Variants in RPAP1 observed in about 807,000 individuals in gnomAD.
RPAP1 encodes RNA polymerase II-associated protein 1.
Under a neutral mutation model 142.4 loss-of-function variants are expected in RPAP1, and 109 were observed. The ratio of observed to expected loss-of-function variants is 0.77; its 90% CI spans 0.66 to 0.90. The LOEUF (loss-of-function observed/expected upper bound fraction) is 0.90, where lower values mean the gene tolerates loss of function less well. RPAP1 is among the 40% of genes least tolerant of loss of function. The pLI is 0.00. For synonymous variants in RPAP1, 704 were observed against 738.9 expected (o/e 0.95, Z 0.77); for missense variants, 1,546 against 1,751.7 (o/e 0.88, Z 2.10).
chr15:41,525,050 G>A lies in RPAP1; in HGVS notation c.2016C>T (p.Thr672=), dbSNP rs1392020860. 9.3e-6 allele frequency: 15 copies of A among 1,613,956 alleles called. No homozygotes were observed. The highest frequency in any genetic ancestry group is 2.2e-5 in the South Asian group (2 of 91,088). The change falls in exon 15 of 25, where the codon ACC becomes ACT. Residue 672 remains threonine (T), a synonymous_variant. Transcript: ENST00000304330. ...LPPEEAEMLS[T]EALRLWAVAA... is the part of the protein sequence containing the mutation. ...CCACAGCCCACAGACGGAGGGCCTC[G>A]GTGCTCAGCATCTCAGCTTCCTCTG...
At chr15:41,531,519 AGTTAAT>A (rs148918780) in intron 6 of RPAP1, among the ~76,000 whole-genome samples, 4,179 of 150,764 alleles carry the variant, frequency 0.028, 105 homozygotes, top group South Asian at 0.06. Context: ...AGAATGAATA[AGTTAAT>A]GTTGACTAGG....
rs777665384 is a variant in RPAP1, at chr15:41,518,104, C to T, written c.3874G>A (p.Val1292Ile). The change falls in exon 23 of 25, where the codon GTT (valine) becomes ATT (isoleucine). Residue 1292 changes from valine to isoleucine, a missense_variant. Transcript: ENST00000304330. ...ALLQLYFRTL[V>I]TGALRPRWCP... ...CAACGTGGGCGGAGCGCACCAGTAA[C>T]CAGGGTCCGGAAGTAGAGCTGAAGG... 6.2e-7 allele frequency: 1 copy of T among 1,608,278 alleles called. No individual in the cohort carries two copies. Among genetic ancestry groups the T allele is most frequent in the African/African-American group, 1.3e-5 (1 of 74,456 alleles).
intron 6 of RPAP1, among the ~76,000 whole-genome samples, chr15:41,531,931 C>T (rs1425396008): frequency 6.6e-6 from 1 of 151,940 alleles, no homozygotes; most frequent in Non-Finnish European, 1.5e-5. Context: ...TCGTAGCTCA[C>T]CACAGCCTCA....
chr15:41,520,172 G>A, intron 22 of RPAP1: 1 of 577,176 alleles, frequency 1.7e-6, no homozygotes, highest in Admixed American at 3.1e-5. Context: ...GACCTTAAGT[G>A]ATCCACCCAC....
chr15:41,530,041 C>G (rs1447456012), intron 7 of RPAP1, 62 bp from the exon 8 acceptor site: 1 of 1,214,526 alleles, frequency 8.2e-7, no homozygotes, highest in Admixed American at 1.9e-5. Context: ...ACAGGGGTCC[C>G]CACCATCACC....
chr15:41,537,109 T>A lies in RPAP1; in HGVS notation c.17A>T (p.Lys6Met). Residue 6 changes from lysine to methionine, a missense_variant, in exon 2 of 25, where the codon AAG (lysine) becomes ATG (methionine). Around this residue, in one of 3 missense-constraint regions of RPAP1, gnomAD observed 1,333 missense variants for 1,486.6 expected, o/e 0.90. Transcript: ENST00000304330. ...CAGGTCCACCTCGGACTCCCCTGGC[T>A]TCGGTCTCGACAGCATCTTGCTGCT... MLSRP[K>M]PGESEVDLLH... The A allele has an allele frequency of 6.2e-7, 1 of 1,614,044 alleles. No homozygotes were observed. Among genetic ancestry groups the A allele is most frequent in the South Asian group, 1.1e-5 (1 of 91,064 alleles).
intron 1 of RPAP1, among the ~76,000 whole-genome samples, chr15:41,538,174 C>A (rs866417919): frequency 6.6e-6 from 1 of 152,000 alleles, no homozygotes; most frequent in African/African-American, 2.4e-5. Flanking sequence ...ACCCGGGAGG[C>A]GGAGCTTGCA....
chr15:41,538,274 C>T (rs191408828), intron 1 of RPAP1, among the ~76,000 whole-genome samples: 1 of 152,158 alleles, frequency 6.6e-6, no homozygotes, highest in African/African-American at 2.4e-5. Context: ...AAAAAACAGA[C>T]AGGATCTCAC....
In RPAP1 at chr15:41,517,419, C is replaced by CAG; in HGVS notation, c.*122_*123insCT. 1 of 938,442 alleles carries CAG rather than the reference C, an allele frequency of 1.1e-6. No homozygotes were observed. The highest frequency in any genetic ancestry group is 1.6e-6 in the Non-Finnish European group (1 of 630,968). The allele number at this position is 938,442 out of a possible 1,614,324, so 58.1% of individuals were successfully genotyped here. ...CTCAAACAACCTGCTCCCAGGAAGGCAAGCCTTCTGCTCCTTGGTCTCCTG... is the reference window on the plus strand; with the variant it reads ...CTCAAACAACCTGCTCCCAGGAAGGCAGAAGCCTTCTGCTCCTTGGTCTCCTG... On this transcript the variant is annotated 3_prime_UTR_variant, in exon 25 of 25. Coordinates refer to ENST00000304330, the MANE Select transcript of RPAP1 (RefSeq NM_015540.4).
Position 41,527,998 on chromosome 15 carries a change from T to A in RPAP1, c.1290A>T (p.Leu430=). 2 of 1,614,030 alleles carry A rather than the reference T, an allele frequency of 1.2e-6. No homozygotes were observed. Among genetic ancestry groups the A allele is most frequent in the Non-Finnish European group, 1.7e-6 (2 of 1,179,968 alleles). ...AAAGGAGGCTTAAGACACTGCCTGC[T>A]AGCCGGTCCCCAAACTCACCAGCCT... ...RAQAGEFGDR[L]AGSVLSLLLD... Residue 430 remains leucine (L), a synonymous_variant, in exon 11 of 25, where the codon CTA becomes CTT. Coordinates refer to ENST00000304330, the MANE Select transcript of RPAP1 (RefSeq NM_015540.4).
Position 41,537,060 on chromosome 15 carries a change from G to A in RPAP1, c.66C>T (p.Leu22=), listed in dbSNP as rs189584723. The change falls in exon 2 of 25, where the codon CTC becomes CTT. Residue 22 remains leucine, a synonymous_variant. Transcript: ENST00000304330. ...GCACTGCTGGGGCTGCACCAGCTGC[G>A]AGAAACTGACTCTGGAAGTGCAGCA... The part of the protein sequence containing the change: ...VDLLHFQSQF[L]AAGAAPAVQL... 5.6e-6 allele frequency: 9 copies of A among 1,614,100 alleles called. No individual in the cohort carries two copies. The highest frequency in any genetic ancestry group is 2.2e-5 in the East Asian group (1 of 44,876).
intron 7 of RPAP1, among the ~76,000 whole-genome samples, chr15:41,530,661 C>T (rs1356241589): frequency 6.6e-6 from 1 of 152,168 alleles, no homozygotes; most frequent in Non-Finnish European, 1.5e-5. Flanking sequence ...CATCTTTCCC[C>T]CAGCACTGTG....
In RPAP1 at chr15:41,521,016, T is replaced by C. The variant is rs1179791431; in HGVS notation, c.3170A>G (p.Asn1057Ser). 1.2e-6 allele frequency: 2 copies of C among 1,603,650 alleles called. No individual in the cohort carries two copies. The highest frequency in any genetic ancestry group is 1.3e-5 in the African/African-American group (1 of 74,976). ...TGGCGAGCAATGAGTCAGGTAGCAG[T>C]TGCGGATGCTGGGGAGGTCCTGGCA... ...QACQDLPSIR[N>S]CYLTHCSPAR... is the part of the protein sequence containing the mutation. The change falls in exon 22 of 25, where the codon AAC becomes AGC. Residue 1057 changes from asparagine to serine, a missense_variant. Physicochemically the swap from Asn to Ser is conservative, Grantham distance 46 (BLOSUM62 1). Coordinates refer to ENST00000304330, the MANE Select transcript of RPAP1 (RefSeq NM_015540.4).
intron 15 of RPAP1, 25 bp downstream of exon 15, chr15:41,524,966 G>C (rs552652365): frequency 6.2e-7 from 1 of 1,610,044 alleles, no homozygotes; most frequent in Admixed American, 1.7e-5. Context: ...TGTCTAGGGG[G>C]AGCCTACCCC....
rs1191403171 is a variant in RPAP1 at position 41,517,787 on chromosome 15, C to A, written c.4032+11G>T. ...TCTAATATCCCACCCTCCTAATGGC[C>A]CTGACCCTACCTCATCTGCCAGCAG... On this transcript the variant is annotated intron_variant, in intron 24 of 24. Coordinates refer to ENST00000304330, the MANE Select transcript of RPAP1 (RefSeq NM_015540.4). 1 of 1,614,036 alleles carries A rather than the reference C, an allele frequency of 6.2e-7. No individual in the cohort carries two copies. Among genetic ancestry groups the A allele is most frequent in the Non-Finnish European group, 8.5e-7 (1 of 1,180,036 alleles).
At chr15:41,523,551 C>T (rs577838582) in intron 17 of RPAP1, among the ~76,000 whole-genome samples, 197 bp from the exon 18 acceptor site, 1 of 152,334 alleles carries the variant, frequency 6.6e-6, no homozygotes, top group African/African-American at 2.4e-5. Context: ...TACAGGAAGG[C>T]TGAGCTGCTG....
At chr15:41,524,308 G>C in intron 15 of RPAP1, 54 bp from the exon 16 acceptor site, 1 of 1,465,528 alleles carries the variant, frequency 6.8e-7, no homozygotes, top group South Asian at 1.4e-5. Flanking sequence ...GGAGACATGA[G>C]ACACAGGTCA....
intron 14 of RPAP1, 32 bp from the exon 15 acceptor site, chr15:41,525,180 C>T: frequency 6.4e-7 from 1 of 1,567,606 alleles, no homozygotes; most frequent in African/African-American, 1.4e-5. Flanking sequence ...GGATCAGGGT[C>T]AGCTGTGAGT....
intron 21 of RPAP1, 88 bp downstream of exon 21, chr15:41,521,650 T>A (rs1276291065): frequency 6.9e-7 from 1 of 1,439,288 alleles, no homozygotes; most frequent in Non-Finnish European, 9.5e-7. Context: ...AGAATTTAGG[T>A]CTCCTGGCTC....
Sources: gnomAD v4.1 joint callset for allele counts (sites outside exome capture counted in the v4.1 genomes callset) on GRCh38, gnomAD v4.1.1 for gene constraint, gnomAD v4.1.1 regional missense constraint, MANE v1.5 for transcripts, NCBI Gene and HGNC (gene_info 2026-07-23, HGNC 2026-07-21) for gene names.